Variants in CRB1 observed in about 807,000 individuals in gnomAD.
The protein encoded by CRB1 is protein crumbs homolog 1.
In CRB1, 83 loss-of-function variants were observed where a neutral mutation model predicts 120.0. The observed-to-expected ratio is 0.69, with a 90% CI of 0.58 to 0.83. The LOEUF (loss-of-function observed/expected upper bound fraction) is 0.83. Among genes scored for constraint, CRB1 ranks in the 40% least tolerant of loss-of-function variants. The pLI is 0.00. For synonymous variants in CRB1, 625 were observed against 612.5 expected (o/e 1.02, Z -0.30); for missense variants, 1,699 against 1,687.6 (o/e 1.01, Z -0.12).
At position 197,435,574 on chromosome 1, in the gene CRB1, T is replaced by TTGCC. The variant is rs1366609497; in HGVS notation, c.3713_3716dup (p.Cys1240ProfsTer24). The TTGCC allele has an allele frequency of 1.2e-6, 2 of 1,613,336 alleles. No homozygotes were observed. Among genetic ancestry groups the TTGCC allele is most frequent in the Non-Finnish European group, 1.7e-6 (2 of 1,179,608 alleles). ...GCATTAGTCATACTAATGGCTATTC[T>TTGCC]TGCCTCTGTTTTGGAAATTTTACAG... On this transcript the variant is annotated frameshift_variant, in exon 9 of 12. Transcript: ENST00000367400. LOFTEE classifies it high-confidence loss of function.
chr1:197,249,129 C>T, the CRB1 span, among the ~76,000 whole-genome samples: 2 of 151,746 alleles, frequency 1.3e-5, no homozygotes, highest in Non-Finnish European at 2.9e-5. Context: ...GTGTTGCATA[C>T]ACACCATACA....
chr1:197,370,240 GA>G (rs56150133), intron 5 of CRB1, among the ~76,000 whole-genome samples: 82,425 of 151,442 alleles, frequency 0.54, 26,947 homozygotes, highest in South Asian at 0.84. Context: ...ATAACACAAT[GA>G]AAAAAAACCG....
chr1:197,300,228 T>C (rs1320178358), intron 1 of CRB1, among the ~76,000 whole-genome samples: 1 of 151,820 alleles, frequency 6.6e-6, no homozygotes, highest in Non-Finnish European at 1.5e-5. Flanking sequence ...TAAATCAAAA[T>C]CTAGAACTGA....
chr1:197,328,197 T>C (rs970653232), intron 1 of CRB1, among the ~76,000 whole-genome samples: 4 of 152,226 alleles, frequency 2.6e-5, no homozygotes, highest in African/African-American at 9.6e-5. Context: ...ATTTAAGTCT[T>C]GCTCTGAAGG....
intron 5 of CRB1, among the ~76,000 whole-genome samples, chr1:197,397,245 A>G (rs751872961): frequency 2.5e-4 from 38 of 152,154 alleles, no homozygotes; most frequent in Middle Eastern, 3.2e-3. Context: ...TAACTATTTT[A>G]TATACATGTA....
At chr1:197,345,191 G>A (rs984858314) in intron 3 of CRB1, among the ~76,000 whole-genome samples, 1 of 152,172 alleles carries the variant, frequency 6.6e-6, no homozygotes, top group African/African-American at 2.4e-5. Context: ...CCACGATGCT[G>A]AGTTACCAAA....
intron 5 of CRB1, among the ~76,000 whole-genome samples, chr1:197,387,016 C>G (rs76177667): frequency 2.2e-4 from 33 of 152,110 alleles, no homozygotes; most frequent in Non-Finnish European, 3.7e-4. Flanking sequence ...ATTTAGATCA[C>G]AAGTAGCTCG....
intron 2 of CRB1, among the ~76,000 whole-genome samples, chr1:197,335,890 A>G (rs1287164371): frequency 6.7e-6 from 1 of 149,994 alleles, no homozygotes; most frequent in Admixed American, 6.8e-5. Flanking sequence ...GATCATGCAA[A>G]CAAAATGAAA....
At chr1:197,289,865 T>C (rs983789682) in intron 1 of CRB1, among the ~76,000 whole-genome samples, 4 of 151,598 alleles carry the variant, frequency 2.6e-5, no homozygotes, top group Non-Finnish European at 5.9e-5. Context: ...ATTTAAAATT[T>C]TATAAAGATA....
At chr1:197,430,891 A>G (rs781297775) in intron 8 of CRB1, among the ~76,000 whole-genome samples, 5 of 152,006 alleles carry the variant, frequency 3.3e-5, no homozygotes, top group African/African-American at 4.8e-5. Flanking sequence ...CATTAAGTAC[A>G]TTATCAGCTT....
the CRB1 span, among the ~76,000 whole-genome samples, chr1:197,212,427 C>T: frequency 6.6e-6 from 1 of 152,110 alleles, no homozygotes; most frequent in South Asian, 2.1e-4. Context: ...TAAAATACTA[C>T]TACTACCACA....
At chr1:197,380,567 C>T (rs1661900434) in intron 5 of CRB1, among the ~76,000 whole-genome samples, 1 of 152,066 alleles carries the variant, frequency 6.6e-6, no homozygotes, top group African/African-American at 2.4e-5. Flanking sequence ...GTAAGAACAT[C>T]CAAATAAGAT....
the CRB1 span, among the ~76,000 whole-genome samples, chr1:197,254,044 A>G: frequency 2.0e-5 from 3 of 152,106 alleles, no homozygotes; most frequent in Non-Finnish European, 2.9e-5. Flanking sequence ...CTGGGCCTTC[A>G]TTCTCTGCCT....
At chr1:197,375,615 G>A (rs556994248) in intron 5 of CRB1, among the ~76,000 whole-genome samples, 179 of 152,100 alleles carry the variant, frequency 1.2e-3, no homozygotes, top group African/African-American at 4.0e-3. Flanking sequence ...TTTACTTGCC[G>A]CCTCCCAATT....
chr1:197,334,574 A>G (rs942484306), intron 2 of CRB1, among the ~76,000 whole-genome samples: 1 of 152,180 alleles, frequency 6.6e-6, no homozygotes, highest in Admixed American at 6.5e-5. Context: ...TCATGGCACC[A>G]TCTTGGATGT....
At chr1:197,264,504 T>C (rs1430314701), upstream of CRB1, among the ~76,000 whole-genome samples, 2 of 152,196 alleles carry the variant, frequency 1.3e-5, no homozygotes, top group African/African-American at 4.8e-5. Flanking sequence ...ATGGGATTAC[T>C]GGATCAAATG....
the CRB1 span, among the ~76,000 whole-genome samples, chr1:197,252,460 A>G: frequency 6.9e-6 from 1 of 143,960 alleles, no homozygotes; most frequent in Non-Finnish European, 1.5e-5. Context: ...TAGAATTATC[A>G]TTCTTAAACT....
chr1:197,460,757 G>C (rs771703986), intron 11 of CRB1, among the ~76,000 whole-genome samples: 7 of 152,142 alleles, frequency 4.6e-5, no homozygotes, highest in Non-Finnish European at 1.0e-4. Flanking sequence ...TTTGGAGACT[G>C]TTTTTAAGCA....
rs372778560 is a variant in CRB1, at chr1:197,434,737, C to T, written c.2874C>T (p.Ser958=). The T allele has an allele frequency of 7.8e-5, 126 of 1,613,282 alleles. No homozygotes were observed. The highest frequency in any genetic ancestry group is 4.8e-4 in the South Asian group (44 of 91,068). The change falls in exon 9 of 12, where the codon AGC becomes AGT. Residue 958 remains serine, a synonymous_variant. Transcript: ENST00000367400. ...CIANAVFNGQ[S]GQILFRSNGN... The stretch of plus-strand genomic sequence containing the variant: ...CAAATGCTGTTTTTAATGGACAAAG[C>T]GGTCAAATATTATTCAGAAGCAATG...
Sources: allele counts gnomAD v4.1 joint callset (sites outside exome capture counted in the v4.1 genomes callset), GRCh38; gene constraint gnomAD v4.1.1; transcripts MANE v1.5; gene names NCBI Gene and HGNC (gene_info 2026-07-23, HGNC 2026-07-21).